Variants in EIPR1 observed in about 807,000 individuals in gnomAD.
The protein encoded by EIPR1 is EARP complex and GARP complex interacting protein 1.
In EIPR1, 25 loss-of-function variants were observed where a neutral mutation model predicts 48.1. The ratio of observed to expected loss-of-function variants is 0.52; its 90% CI spans 0.38 to 0.73. EIPR1 has a LOEUF of 0.73. Ranked by LOEUF, EIPR1 falls within the 30% of genes least tolerant of loss-of-function variation. The pLI is 0.00. For missense variants in EIPR1, 415 were observed against 506.2 expected (o/e 0.82, Z 1.73); for synonymous variants, 204 against 201.9 (o/e 1.01, Z -0.09).
intron 4 of EIPR1, among the ~76,000 whole-genome samples, chr2:3,215,490 A>G (rs1023688138): frequency 6.6e-6 from 1 of 152,196 alleles, no homozygotes; most frequent in Non-Finnish European, 1.5e-5. Flanking sequence ...ATACAATGCT[A>G]TTCAGTTACT....
At chr2:3,278,599 G>T (rs575080539) in intron 3 of EIPR1, among the ~76,000 whole-genome samples, 1 of 152,250 alleles carries the variant, frequency 6.6e-6, no homozygotes, top group South Asian at 2.1e-4. Flanking sequence ...CCTGAGGTTG[G>T]CCTGGCCTGG....
At chr2:3,285,975 C>T (rs1668173097) in intron 3 of EIPR1, among the ~76,000 whole-genome samples, 1 of 152,248 alleles carries the variant, frequency 6.6e-6, no homozygotes, top group Non-Finnish European at 1.5e-5. Context: ...CTCCGGGACC[C>T]TCACTTTGGA....
intron 3 of EIPR1, among the ~76,000 whole-genome samples, chr2:3,322,087 C>A (rs1022979016): frequency 1.3e-5 from 2 of 152,214 alleles, no homozygotes; most frequent in African/African-American, 4.8e-5. Context: ...ATTCCACTGT[C>A]GGATCAGGAG....
At chr2:3,274,474 G>A (rs1252361954) in intron 3 of EIPR1, 1 of 1,532,710 alleles carries the variant, frequency 6.5e-7, no homozygotes, top group Admixed American at 2.1e-5. Flanking sequence ...CAAAAATAAA[G>A]GCATGTTAAG....
chr2:3,205,669 ACTTCC>A (rs1486663807), intron 5 of EIPR1, among the ~76,000 whole-genome samples: 2 of 152,134 alleles, frequency 1.3e-5, no homozygotes, highest in East Asian at 3.9e-4. Flanking sequence ...ACCTATGGAA[ACTTCC>A]CTTCCCTATC....
intron 3 of EIPR1, among the ~76,000 whole-genome samples, chr2:3,305,454 A>C (rs1668911553): frequency 6.9e-6 from 1 of 145,842 alleles, no homozygotes; most frequent in Non-Finnish European, 1.5e-5. Context: ...TCAGCCCTCC[A>C]ATCCCGTCCA....
At chr2:3,238,636 G>A (rs1443887661) in intron 4 of EIPR1, among the ~76,000 whole-genome samples, 2 of 152,212 alleles carry the variant, frequency 1.3e-5, no homozygotes, top group African/African-American at 2.4e-5. Flanking sequence ...AGCGTCCAAT[G>A]TGGAAAATTA....
intron 3 of EIPR1, among the ~76,000 whole-genome samples, chr2:3,304,494 C>G (rs1402683137): frequency 1.5e-3 from 8 of 5,378 alleles, no homozygotes; most frequent in Non-Finnish European, 1.8e-3. Flanking sequence ...GCCCTCCAGT[C>G]CCATCAGTTC....
intron 3 of EIPR1, among the ~76,000 whole-genome samples, chr2:3,337,469 A>C (rs987895932): frequency 6.6e-6 from 1 of 152,232 alleles, no homozygotes; most frequent in Non-Finnish European, 1.5e-5. Flanking sequence ...ATTGACGATG[A>C]CCAAACAAGG....
At chr2:3,263,480 T>C (rs6756734) in intron 3 of EIPR1, among the ~76,000 whole-genome samples, 152,232 of 152,306 alleles carry the variant, frequency 1, 76,079 homozygotes, top group Middle Eastern at 1. Context: ...AGACCACCCC[T>C]CAACGGCCCC....
intron 3 of EIPR1, among the ~76,000 whole-genome samples, chr2:3,335,126 G>A (rs553372512): frequency 2.6e-5 from 4 of 152,332 alleles, no homozygotes; most frequent in East Asian, 3.9e-4. Context: ...CACATGAGGC[G>A]AGAGCCCTGA....
chr2:3,302,299 C>A (rs1026418614), intron 3 of EIPR1, among the ~76,000 whole-genome samples: 1 of 152,102 alleles, frequency 6.6e-6, no homozygotes, highest in Non-Finnish European at 1.5e-5. Flanking sequence ...TCTGGTGAAG[C>A]CTGGGCAGCA....
rs751788779 is a variant in EIPR1 at position 3,273,470 on chromosome 2, C to T, written c.260-16015G>A. Among the ~76,000 whole-genome samples the T allele has an allele frequency of 6.4e-4, 97 of 152,130 alleles. 1 individual carries two copies. The highest frequency in any genetic ancestry group is 6.8e-3 in the Middle Eastern group (2 of 294). On this transcript the variant is annotated intron_variant, in intron 3 of 8. Transcript: ENST00000382125. Reference sequence around the variant, plus strand: ...CCTTAAAACCCACAACCTCATTACACGAATGAGCTAGAAAACATTATTCTC... The same window carrying T: ...CCTTAAAACCCACAACCTCATTACATGAATGAGCTAGAAAACATTATTCTC...
intron 5 of EIPR1, among the ~76,000 whole-genome samples, chr2:3,201,448 A>C (rs1024263838): frequency 2.0e-5 from 3 of 152,166 alleles, no homozygotes; most frequent in African/African-American, 7.2e-5. Flanking sequence ...CTTCCTTCTC[A>C]TTACGTTTGC....
At chr2:3,228,348 C>T (rs1200211679) in intron 4 of EIPR1, among the ~76,000 whole-genome samples, 1 of 152,236 alleles carries the variant, frequency 6.6e-6, no homozygotes, top group East Asian at 1.9e-4. Flanking sequence ...GGGCCTGTAG[C>T]CCCTTTGTTT....
intron 4 of EIPR1, among the ~76,000 whole-genome samples, chr2:3,222,170 A>T (rs1157707524): frequency 2.0e-5 from 3 of 152,200 alleles, no homozygotes; most frequent in Non-Finnish European, 2.9e-5. Context: ...CAGACATATC[A>T]CTGCAACGCC....
chr2:3,260,839 G>C (rs1009206150), intron 3 of EIPR1, among the ~76,000 whole-genome samples: 1 of 152,198 alleles, frequency 6.6e-6, no homozygotes, highest in South Asian at 2.1e-4. Context: ...TCTTACTAGA[G>C]TGGTGAAATT....
intron 3 of EIPR1, among the ~76,000 whole-genome samples, chr2:3,327,286 C>G (rs530835986): frequency 6.6e-6 from 1 of 152,104 alleles, no homozygotes; most frequent in Admixed American, 6.5e-5. Flanking sequence ...CGGGGTCAAG[C>G]GATTCTCCTG....
At chr2:3,355,968 TA>T (rs753308356) in intron 1 of EIPR1, among the ~76,000 whole-genome samples, 3 of 152,212 alleles carry the variant, frequency 2.0e-5, no homozygotes, top group Non-Finnish European at 4.4e-5. Context: ...AAGCAAGCTC[TA>T]AAGTTCTAAC....
Sources: allele counts gnomAD v4.1 joint callset (sites outside exome capture counted in the v4.1 genomes callset), GRCh38; gene constraint gnomAD v4.1.1; transcripts MANE v1.5; gene names NCBI Gene and HGNC (gene_info 2026-07-23, HGNC 2026-07-21).